OR6P1: variants seen among roughly 807,000 people sequenced by gnomAD.
The protein encoded by OR6P1 is olfactory receptor 6P1.
Under a neutral mutation model 6.6 loss-of-function variants are expected in OR6P1, and 5 were observed. That is an observed-to-expected ratio of 0.76 (90% confidence interval 0.40 to 1.60). The LOEUF (loss-of-function observed/expected upper bound fraction) is 1.60, where lower values mean the gene tolerates loss of function less well. Ranked by LOEUF, OR6P1 falls within the 40% of genes most tolerant of loss-of-function variation. OR6P1 has a pLI of 0.02. For missense variants in OR6P1, 451 were observed against 383.0 expected (o/e 1.18, Z -1.48); for synonymous variants, 177 against 149.6 (o/e 1.18, Z -1.33).
At chr1:158,569,292 G>A (rs1276718853) in intron 1 of OR6P1, among the ~76,000 whole-genome samples, 1 of 152,132 alleles carries the variant, frequency 6.6e-6, no homozygotes, top group East Asian at 1.9e-4. Flanking sequence ...CAGCACATTT[G>A]CCTGGATTCC....
At chr1:158,563,806 C>T (rs1648031919) in intron 2 of OR6P1, among the ~76,000 whole-genome samples, 180 bp from the exon 3 acceptor site, 1 of 152,168 alleles carries the variant, frequency 6.6e-6, no homozygotes, top group African/African-American at 2.4e-5. Context: ...GACCTGAGTA[C>T]TCAATTACCT....
At position 158,563,196 on chromosome 1, in the gene OR6P1, G is replaced by T. The variant is rs1264571213; in HGVS notation, c.409C>A (p.Pro137Thr). 1 of 1,551,296 alleles carries T rather than the reference G, an allele frequency of 6.4e-7. No homozygotes were observed. The highest frequency in any genetic ancestry group is 8.7e-7 in the Non-Finnish European group (1 of 1,146,948). Residue 137 changes from proline to threonine, a missense_variant, in exon 3 of 3, where the codon CCT becomes ACT. Transcript: ENST00000641540. Reference sequence around the variant, plus strand: ...GCAAGGCGAGTGGCCAGACTGGAAGGCATGAGACTAGGGTAAAGGAGGGGT... The same window carrying T: ...GCAAGGCGAGTGGCCAGACTGGAAGTCATGAGACTAGGGTAAAGGAGGGGT... ...CGPLLYPSLM[P>T]SSLATRLAAA...
chr1:158,565,638 T>C (rs1244500084), intron 2 of OR6P1, among the ~76,000 whole-genome samples: 1 of 152,172 alleles, frequency 6.6e-6, no homozygotes, highest in Admixed American at 6.5e-5. Context: ...ACAAAAATTT[T>C]TAAATTTACT....
chr1:158,560,794 A>G lies in OR6P1; in HGVS notation c.*1857T>C, dbSNP rs572905411. The G allele has an allele frequency of 6.6e-6, 1 of 152,310 alleles. No individual in the cohort carries two copies. The highest frequency in any genetic ancestry group is 1.9e-4 in the East Asian group (1 of 5,180). The allele number at this position is 152,310 out of a possible 1,614,324, so 9.4% of individuals were successfully genotyped here. On this transcript the variant is annotated 3_prime_UTR_variant, in exon 3 of 3. Coordinates refer to ENST00000641540, the MANE Select transcript of OR6P1 (RefSeq NM_001160325.2). The stretch of plus-strand genomic sequence containing the variant: ...ACTTGTAACAATTTCATGGGCATCC[A>G]TAGCTTCTAGAATTCCCTCAAAAGA...
chr1:158,569,046 G>A (rs1648176122), intron 1 of OR6P1, among the ~76,000 whole-genome samples: 1 of 152,102 alleles, frequency 6.6e-6, no homozygotes, highest in African/African-American at 2.4e-5. Flanking sequence ...GTCATTTCAG[G>A]GGTGGAATGT....
Position 158,570,476 on chromosome 1 carries a change from C to T in OR6P1, c.-152G>A, listed in dbSNP as rs183697096. 6 of 152,264 alleles carry T rather than the reference C, an allele frequency of 3.9e-5. No individual in the cohort carries two copies. The highest frequency in any genetic ancestry group is 7.4e-5 in the Non-Finnish European group (5 of 68,024). The allele number at this position is 152,264 out of a possible 1,614,324, so 9.4% of individuals were successfully genotyped here. On this transcript the variant is annotated 5_prime_UTR_variant, in exon 1 of 3. Coordinates refer to ENST00000641540, the MANE Select transcript of OR6P1 (RefSeq NM_001160325.2). ...AACAAAATTTGTCACAGAAGTTCAC[C>T]TACTTCTTTGCTTGCCTGTCTTCCA... is the stretch of plus-strand genomic sequence containing the variant.
At chr1:158,569,133 A>G (rs563821282) in intron 1 of OR6P1, among the ~76,000 whole-genome samples, 4 of 152,300 alleles carry the variant, frequency 2.6e-5, no homozygotes, top group African/African-American at 9.6e-5. Context: ...TCACTAGATT[A>G]TATCACATTA....
rs182422507 is a variant in OR6P1, at chr1:158,562,341, T to A, written c.*310A>T. On this transcript the variant is annotated 3_prime_UTR_variant, in exon 3 of 3. Coordinates refer to ENST00000641540, the MANE Select transcript of OR6P1 (RefSeq NM_001160325.2). ...CTATGAAATAGGAATTCCCAGGAAG[T>A]TTTGAATATTATTCACGGCAGGGTT... is the stretch of plus-strand genomic sequence containing the variant. 2.1e-5 allele frequency: 6 copies of A among 292,278 alleles called. No homozygotes were observed. In the Admixed American group the frequency reaches 3.1e-4, roughly 15 times the overall value. The allele number at this position is 292,278 out of a possible 1,614,324, so 18.1% of individuals were successfully genotyped here. A position where few individuals can be genotyped will look rare whatever the true frequency, so the allele number is the denominator to read the frequency against.
intron 2 of OR6P1, among the ~76,000 whole-genome samples, chr1:158,565,566 T>C (rs2101717479): frequency 6.6e-6 from 1 of 152,126 alleles, no homozygotes; most frequent in Non-Finnish European, 1.5e-5. Flanking sequence ...GTTATATAAT[T>C]AGCATACATT....
At chr1:158,564,505 T>C (rs1403279443) in intron 2 of OR6P1, among the ~76,000 whole-genome samples, 1 of 151,958 alleles carries the variant, frequency 6.6e-6, no homozygotes, top group Non-Finnish European at 1.5e-5. Context: ...GAGAAGGCAA[T>C]GTAAAGATGA....
Position 158,562,697 on chromosome 1 carries a change from T to A in OR6P1, c.908A>T (p.Lys303Met). The A allele has an allele frequency of 1.3e-6, 2 of 1,559,678 alleles. No homozygotes were observed. Among genetic ancestry groups the A allele is most frequent in the Non-Finnish European group, 8.7e-7 (1 of 1,151,078 alleles). Reference sequence around the variant, plus strand: ...ATAGTGACATCTGCCCATCACTGTCTTCCTGAAGGCCTCCTTCACCTCCTT... The same window carrying A: ...ATAGTGACATCTGCCCATCACTGTCATCCTGAAGGCCTCCTTCACCTCCTT... ...RNKEVKEAFR[K>M]TVMGRCHYPR... The change falls in exon 3 of 3, where the codon AAG becomes ATG. Residue 303 changes from lysine to methionine, a missense_variant. Transcript: ENST00000641540.
intron 1 of OR6P1, among the ~76,000 whole-genome samples, chr1:158,568,509 C>T (rs1648153510): frequency 1.3e-5 from 2 of 152,164 alleles, no homozygotes; most frequent in African/African-American, 4.8e-5. Flanking sequence ...TAATGGGGAA[C>T]ACCTTGAAGA....
chr1:158,565,705 G>T (rs1241356472), intron 2 of OR6P1, among the ~76,000 whole-genome samples: 1 of 152,042 alleles, frequency 6.6e-6, no homozygotes, highest in African/African-American at 2.4e-5. Context: ...TGCGTGTATT[G>T]TAAGACTTAT....
In OR6P1 at chr1:158,562,860, C is replaced by T; in HGVS notation, c.745G>A (p.Val249Ile). ...AAGAGAGTGGAGGAGTAGTAGATAACAACCACTGCCAGATGAGCGGCACAA... is the reference window on the plus strand; with the variant it reads ...AAGAGAGTGGAGGAGTAGTAGATAATAACCACTGCCAGATGAGCGGCACAA... ...STCAAHLAVV[V>I]IYYSSTLFTY... Residue 249 changes from valine to isoleucine, a missense_variant, in exon 3 of 3, where the codon GTT becomes ATT. Physicochemically the swap from Val to Ile is conservative, Grantham distance 29. Coordinates refer to ENST00000641540, the MANE Select transcript of OR6P1 (RefSeq NM_001160325.2). 1.9e-6 allele frequency: 3 copies of T among 1,552,044 alleles called. No individual in the cohort carries two copies. The highest frequency in any genetic ancestry group is 2.6e-6 in the Non-Finnish European group (3 of 1,147,088).
At position 158,563,458 on chromosome 1, in the gene OR6P1, T is replaced by A. The variant is rs201449924; in HGVS notation, c.147A>T (p.Ile49=). 8.8e-5 allele frequency: 137 copies of A among 1,551,132 alleles called. No individual in the cohort carries two copies. The highest frequency in any genetic ancestry group is 1.1e-4 in the Non-Finnish European group (129 of 1,146,816). The change falls in exon 3 of 3, where the codon ATA becomes ATT. Residue 49 remains isoleucine, a synonymous_variant. Coordinates refer to ENST00000641540, the MANE Select transcript of OR6P1 (RefSeq NM_001160325.2). ...LLENALIVFT[I]WLAPSLHRPM... ...GACGATGAAGGCTTGGAGCAAGCCA[T>A]ATTGTGAAGACAATAAGTGCATTCT...
At chr1:158,564,583 G>C (rs1209436812) in intron 2 of OR6P1, among the ~76,000 whole-genome samples, 1 of 152,130 alleles carries the variant, frequency 6.6e-6, no homozygotes, top group Non-Finnish European at 1.5e-5. Context: ...TCTTTATCTT[G>C]AATGAATGCC....
At chr1:158,570,213 T>A (rs1472990162) in intron 1 of OR6P1, among the ~76,000 whole-genome samples, 3 of 152,180 alleles carry the variant, frequency 2.0e-5, no homozygotes, top group Non-Finnish European at 4.4e-5. Context: ...TTAAAAAAAA[T>A]CCCTCACCCT....
intron 1 of OR6P1, among the ~76,000 whole-genome samples, chr1:158,568,932 G>T (rs1363984871): frequency 1.3e-5 from 2 of 152,120 alleles, no homozygotes; most frequent in Non-Finnish European, 2.9e-5. Flanking sequence ...TTCTAGTGAA[G>T]TTCATTGCTT....
At chr1:158,564,654 C>A (rs949876325) in intron 2 of OR6P1, among the ~76,000 whole-genome samples, 1 of 152,138 alleles carries the variant, frequency 6.6e-6, no homozygotes. Flanking sequence ...AGAGGGAGTG[C>A]GGCTCTGCCT....
Sources: gnomAD v4.1 joint callset for allele counts (sites outside exome capture counted in the v4.1 genomes callset) on GRCh38, gnomAD v4.1.1 for gene constraint, MANE v1.5 for transcripts, NCBI Gene and HGNC (gene_info 2026-07-23, HGNC 2026-07-21) for gene names.